The following NDNF variants were observed in gnomAD, a reference collection of about 807,000 sequenced individuals.
NDNF encodes the protein protein NDNF.
NDNF carries 16 observed loss-of-function variants against 42.0 expected under a neutral mutation model. That is an observed-to-expected ratio of 0.38 (90% CI 0.26 to 0.58). NDNF has a LOEUF of 0.58. Ranked by LOEUF, NDNF falls within the 20% of genes least tolerant of loss-of-function variation. The probability of loss-of-function intolerance (pLI) is 0.67; values close to 1 mark genes in which losing one functional copy is unlikely to be tolerated. For synonymous variants in NDNF, 248 were observed against 251.7 expected, an observed-to-expected ratio of 0.99 and a Z score of 0.14; for missense variants, 616 against 666.2, an observed-to-expected ratio of 0.92 and a Z score of 0.83.
chr4:121,058,107 T>C (rs932275242), intron 1 of NDNF, among the ~76,000 whole-genome samples: 12 of 152,222 alleles, frequency 7.9e-5, no homozygotes, highest in Non-Finnish European at 1.8e-4. Flanking sequence ...TACTTTTTAC[T>C]CCCCTTTATA....
intron 2 of NDNF, among the ~76,000 whole-genome samples, chr4:121,040,549 C>A (rs561610357): frequency 6.6e-6 from 1 of 152,216 alleles, no homozygotes; most frequent in Non-Finnish European, 1.5e-5. Flanking sequence ...TTCACAGCAA[C>A]CTAGTTCTAA....
chr4:121,052,667 T>G (rs1186538892), intron 1 of NDNF, among the ~76,000 whole-genome samples: 1 of 152,164 alleles, frequency 6.6e-6, no homozygotes, highest in African/African-American at 2.4e-5. Flanking sequence ...CATGACTTGC[T>G]GGGCAGCAAG....
At chr4:121,040,144 T>C in intron 2 of NDNF, 90 bp from the exon 3 acceptor site, 7 of 1,283,386 alleles carry the variant, frequency 5.5e-6, no homozygotes, top group Non-Finnish European at 7.4e-6. Context: ...GTTTTAATTT[T>C]TTTTTCATTT....
chr4:121,040,140 ATT>A (rs3836716), intron 2 of NDNF, 86 bp from the exon 3 acceptor site: 5 of 1,121,828 alleles, frequency 4.5e-6, no homozygotes, highest in Non-Finnish European at 6.3e-6. Flanking sequence ...TTTGGTTTTA[ATT>A]TTTTTTTCAT....
Position 121,045,688 on chromosome 4 carries a change from AGCTCCATCTGGAATTACT to A in NDNF, c.132_149del (p.Val45_Ala50del), listed in dbSNP as rs1469013337. ...CTCTAAAGAGATAACTGCTAATTTC[AGCTCCATCTGGAATTACT>A]GACGAATCATGAAAAAATGCCTTGT... On this transcript the variant is annotated inframe_deletion, in exon 2 of 4. Coordinates refer to ENST00000379692, the MANE Select transcript of NDNF (RefSeq NM_024574.4). The A allele has an allele frequency of 6.2e-7, 1 of 1,614,246 alleles. No individual in the cohort carries two copies.
chr4:121,055,008 T>A (rs889775220), intron 1 of NDNF, among the ~76,000 whole-genome samples: 25 of 151,868 alleles, frequency 1.6e-4, no homozygotes, highest in Admixed American at 7.2e-4. Context: ...TTTTTTTTTT[T>A]ATTTTTGTAT....
chr4:121,036,686 A>C lies in NDNF; in HGVS notation c.1285T>G (p.Ser429Ala), dbSNP rs1726875367. 6.2e-7 allele frequency: 1 copy of C among 1,614,042 alleles called. No individual in the cohort carries two copies. Among genetic ancestry groups the C allele is most frequent in the South Asian group, 1.1e-5 (1 of 91,066 alleles). Reference protein sequence around the residue: ...VRLKGNKKGASMLKILATTRP... With the variant: ...VRLKGNKKGAAMLKILATTRP... ...GTGGTAGCTAGAATTTTCAACATAG[A>C]TGCTCCTTTCTTGTTTCCTTTCAGT... Residue 429 changes from serine to alanine, a missense_variant, in exon 4 of 4, where the codon TCT (serine) becomes GCT (alanine). Physicochemically the swap from Ser to Ala is moderately conservative, Grantham distance 99. Coordinates refer to ENST00000379692, the MANE Select transcript of NDNF (RefSeq NM_024574.4).
chr4:121,054,097 C>T (rs566928525), intron 1 of NDNF, among the ~76,000 whole-genome samples: 1 of 152,294 alleles, frequency 6.6e-6, no homozygotes, highest in Non-Finnish European at 1.5e-5. Context: ...AAGAAGTTAA[C>T]TCTTCAGTAA....
intron 1 of NDNF, among the ~76,000 whole-genome samples, chr4:121,052,130 A>T (rs1560607022): frequency 6.6e-6 from 1 of 152,252 alleles, no homozygotes; most frequent in Non-Finnish European, 1.5e-5. Context: ...CTTTGCAGAA[A>T]TGTATAAATG....
chr4:121,044,148 T>A (rs1727050344), intron 2 of NDNF, among the ~76,000 whole-genome samples: 1 of 152,222 alleles, frequency 6.6e-6, no homozygotes. Flanking sequence ...AATAGTTCAC[T>A]CTAGTTAATG....
intron 2 of NDNF, among the ~76,000 whole-genome samples, chr4:121,045,306 T>G (rs1560605108): frequency 6.6e-6 from 1 of 151,488 alleles, no homozygotes; most frequent in African/African-American, 2.4e-5. Context: ...CAGCCGAGAT[T>G]GTGCCACTGC....
intron 1 of NDNF, among the ~76,000 whole-genome samples, chr4:121,070,946 CG>C (rs1419325215): frequency 6.6e-6 from 1 of 152,130 alleles, no homozygotes; most frequent in African/African-American, 2.4e-5. Flanking sequence ...GGAGCTGATG[CG>C]GGGCGGGTCC....
chr4:121,064,280 G>C (rs1560610499), intron 1 of NDNF, among the ~76,000 whole-genome samples: 1 of 152,172 alleles, frequency 6.6e-6, no homozygotes, highest in Non-Finnish European at 1.5e-5. Flanking sequence ...AGTGATGGAT[G>C]TGGAAGTACC....
intron 3 of NDNF, among the ~76,000 whole-genome samples, chr4:121,039,155 A>ATAAAGACTATG (rs1553924231): frequency 3.1e-5 from 1 of 32,406 alleles, no homozygotes; most frequent in East Asian, 3.0e-3. Context: ...GTATATATAT[A>ATAAAGACTATG]TGTATATATA....
In NDNF at chr4:121,036,852, T is replaced by A. The variant is rs1364121914; in HGVS notation, c.1119A>T (p.Lys373Asn). ...GACAAGAGTGAATAAAGAAGGTGAC[T>A]TTTTGGTGAGAAGAGACTGGAGCAA... ...LRFAPVSSHQKVTFFIHSCLD... is the reference protein window; with the variant it reads ...LRFAPVSSHQNVTFFIHSCLD... The change falls in exon 4 of 4, where the codon AAA (lysine) becomes AAT (asparagine). Residue 373 changes from lysine to asparagine, a missense_variant. Transcript: ENST00000379692. 6.2e-7 allele frequency: 1 copy of A among 1,613,986 alleles called. No individual in the cohort carries two copies. The highest frequency in any genetic ancestry group is 1.7e-5 in the Admixed American group (1 of 59,986).
At chr4:121,069,462 C>T (rs567422095) in intron 1 of NDNF, among the ~76,000 whole-genome samples, 3 of 152,236 alleles carry the variant, frequency 2.0e-5, no homozygotes, top group African/African-American at 7.2e-5. Flanking sequence ...GAAATAAATG[C>T]GTAATTTAAA....
chr4:121,038,843 T>C (rs1326214404), intron 3 of NDNF: 1 of 151,628 alleles, frequency 6.6e-6, no homozygotes, highest in African/African-American at 2.4e-5. Flanking sequence ...AAAAATTAGC[T>C]GGGCGTAGTG....
Position 121,039,190 on chromosome 4 carries a change from GTGTA to G in NDNF, c.313+736_313+739del, listed in dbSNP as rs1217358213. On this transcript the variant is annotated intron_variant, in intron 3 of 3. Transcript: ENST00000379692. ...ATATATAAAGACTATGTGTGTGTGT[GTGTA>G]TATATATATATATATATATATATAT... is the stretch of plus-strand genomic sequence containing the variant. Among the ~76,000 whole-genome samples, 128 of 67,976 alleles carry G rather than the reference GTGTA, an allele frequency of 1.9e-3. 1 individual carries two copies. Among genetic ancestry groups the G allele is most frequent in the African/African-American group, 6.2e-3 (79 of 12,822 alleles). 44.6% of individuals were successfully genotyped at this position (67,976 alleles called of 152,430 possible).
intron 1 of NDNF, among the ~76,000 whole-genome samples, chr4:121,068,536 G>T (rs567253063): frequency 6.6e-6 from 1 of 152,218 alleles, no homozygotes; most frequent in East Asian, 1.9e-4. Context: ...TGAATTAGTT[G>T]AACTATTTTG....
Sources: gnomAD v4.1 joint callset for allele counts (sites outside exome capture counted in the v4.1 genomes callset) on GRCh38, gnomAD v4.1.1 for gene constraint, MANE v1.5 for transcripts, NCBI Gene and HGNC (gene_info 2026-07-23, HGNC 2026-07-21) for gene names.